The following UBE2E2 variants were observed in gnomAD, a reference collection of about 807,000 sequenced individuals.
The protein encoded by UBE2E2 is ubiquitin-conjugating enzyme E2 E2.
Under a neutral mutation model 24.7 loss-of-function variants are expected in UBE2E2, and 6 were observed. The ratio of observed to expected loss-of-function variants is 0.24; its 90% CI spans 0.13 to 0.48. The LOEUF (loss-of-function observed/expected upper bound fraction) is 0.48, where lower values mean the gene tolerates loss of function less well. Among genes scored for constraint, UBE2E2 ranks in the 20% least tolerant of loss-of-function variants. UBE2E2 has a pLI of 0.99. For synonymous variants in UBE2E2, 104 were observed against 83.6 expected (o/e 1.24, Z -1.33); for missense variants, 169 against 245.0 (o/e 0.69, Z 2.07).
chr3:23,244,852 A>C (rs928243634), intron 3 of UBE2E2, among the ~76,000 whole-genome samples: 24 of 152,074 alleles, frequency 1.6e-4, no homozygotes, highest in African/African-American at 5.8e-4. Context: ...GTTAGGTAAG[A>C]CTCCAAGGTA....
At chr3:23,267,859 G>A (rs1698094462) in intron 3 of UBE2E2, among the ~76,000 whole-genome samples, 1 of 149,084 alleles carries the variant, frequency 6.7e-6, no homozygotes. Flanking sequence ...TATCCACCAT[G>A]ATCAAGTGGG....
chr3:23,286,396 T>G (rs1698615399), intron 3 of UBE2E2, among the ~76,000 whole-genome samples: 1 of 152,190 alleles, frequency 6.6e-6, no homozygotes, highest in African/African-American at 2.4e-5. Context: ...GAACCATTTA[T>G]TGAAGAGACT....
chr3:23,353,213 T>C (rs1025162911), intron 3 of UBE2E2, among the ~76,000 whole-genome samples: 1 of 152,226 alleles, frequency 6.6e-6, no homozygotes, highest in Non-Finnish European at 1.5e-5. Flanking sequence ...TCTCAATAAA[T>C]TAGGTATTGA....
At chr3:23,208,151 G>A (rs941993983) in intron 1 of UBE2E2, among the ~76,000 whole-genome samples, 7 of 151,966 alleles carry the variant, frequency 4.6e-5, no homozygotes, top group African/African-American at 1.7e-4. Flanking sequence ...GCCCAGGCTG[G>A]TGCTCCCTGA....
intron 3 of UBE2E2, among the ~76,000 whole-genome samples, chr3:23,311,148 G>T (rs576429815): frequency 3.9e-5 from 6 of 152,206 alleles, no homozygotes; most frequent in African/African-American, 9.6e-5. Context: ...GAGAATGATG[G>T]TTTCCAGCTT....
At chr3:23,565,529 T>G (rs554694098) in intron 5 of UBE2E2, among the ~76,000 whole-genome samples, 112 of 143,146 alleles carry the variant, frequency 7.8e-4, no homozygotes, top group African/African-American at 3.0e-3. Flanking sequence ...GTCAACAGGT[T>G]ACAGAGGCCA....
At chr3:23,488,055 G>T (rs961058656) in intron 3 of UBE2E2, among the ~76,000 whole-genome samples, 3 of 151,790 alleles carry the variant, frequency 2.0e-5, no homozygotes, top group Non-Finnish European at 2.9e-5. Context: ...CTAGACAACT[G>T]TATGAAGAAA....
chr3:23,448,832 A>G (rs760044253), intron 3 of UBE2E2, among the ~76,000 whole-genome samples: 8 of 152,194 alleles, frequency 5.3e-5, no homozygotes, highest in Non-Finnish European at 4.4e-5. Flanking sequence ...TCCAGAGATT[A>G]GGAGATTAAG....
At chr3:23,542,635 TTTG>T (rs1356524393) in intron 5 of UBE2E2, among the ~76,000 whole-genome samples, 1 of 152,232 alleles carries the variant, frequency 6.6e-6, no homozygotes, top group East Asian at 1.9e-4. Context: ...GTATTGGCTT[TTTG>T]TTATTTTCAA....
intron 3 of UBE2E2, among the ~76,000 whole-genome samples, chr3:23,263,987 CTAA>C (rs1449419512): frequency 3.3e-5 from 5 of 152,226 alleles, no homozygotes; most frequent in Middle Eastern, 3.4e-3. Flanking sequence ...TCCGTGGTGA[CTAA>C]TAATAATAAC....
intron 3 of UBE2E2, among the ~76,000 whole-genome samples, chr3:23,340,817 G>A (rs1018083307): frequency 6.6e-6 from 1 of 152,136 alleles, no homozygotes; most frequent in African/African-American, 2.4e-5. Flanking sequence ...GTCATGTTAA[G>A]TAGGATCTTT....
intron 3 of UBE2E2, among the ~76,000 whole-genome samples, chr3:23,467,330 G>A (rs1280527251): frequency 2.6e-5 from 4 of 152,156 alleles, no homozygotes; most frequent in Non-Finnish European, 4.4e-5. Context: ...GCTAAGATTC[G>A]TGCTTTGGGA....
chr3:23,503,326 A>G (rs1249662088), intron 4 of UBE2E2, among the ~76,000 whole-genome samples: 1 of 151,762 alleles, frequency 6.6e-6, no homozygotes, highest in Non-Finnish European at 1.5e-5. Context: ...AGTAGCTGGG[A>G]TTACAGGCAC....
chr3:23,488,840 A>T (rs1699436345), intron 3 of UBE2E2, among the ~76,000 whole-genome samples: 1 of 152,200 alleles, frequency 6.6e-6, no homozygotes, highest in African/African-American at 2.4e-5. Flanking sequence ...TTGCTAGCTC[A>T]TAGGCCCAAG....
chr3:23,385,117 T>C (rs1451517749), intron 3 of UBE2E2, among the ~76,000 whole-genome samples: 1 of 152,168 alleles, frequency 6.6e-6, no homozygotes, highest in Non-Finnish European at 1.5e-5. Context: ...CTTCTAATGA[T>C]GGTTGTTAAC....
intron 4 of UBE2E2, among the ~76,000 whole-genome samples, chr3:23,502,057 G>C (rs1234816533): frequency 5.3e-5 from 8 of 152,068 alleles, no homozygotes; most frequent in Admixed American, 5.2e-4. Flanking sequence ...TGTTACTCGA[G>C]GGAGAAAAAA....
chr3:23,266,739 A>C (rs1399471002), intron 3 of UBE2E2, among the ~76,000 whole-genome samples: 4 of 152,162 alleles, frequency 2.6e-5, no homozygotes, highest in African/African-American at 9.7e-5. Context: ...ACCCCAAATC[A>C]ACAGAATATA....
At chr3:23,463,316 A>G (rs1658251709) in intron 3 of UBE2E2, among the ~76,000 whole-genome samples, 1 of 152,174 alleles carries the variant, frequency 6.6e-6, no homozygotes, top group Admixed American at 6.5e-5. Context: ...TTTAAATCAT[A>G]TTAATTTGCA....
chr3:23,537,434 G>T (rs542175954), intron 5 of UBE2E2, among the ~76,000 whole-genome samples: 1 of 152,172 alleles, frequency 6.6e-6, no homozygotes, highest in African/African-American at 2.4e-5. Flanking sequence ...GATGTGTGCA[G>T]ATCTGTATTA....
Sources: allele counts gnomAD v4.1 joint callset (sites outside exome capture counted in the v4.1 genomes callset), GRCh38; gene constraint gnomAD v4.1.1; transcripts MANE v1.5; gene names NCBI Gene and HGNC (gene_info 2026-07-23, HGNC 2026-07-21).